Variants in DGKB observed in about 807,000 individuals in gnomAD.
DGKB encodes the protein 90 kDa diacylglycerol kinase.
In DGKB, 67 loss-of-function variants were observed where a neutral mutation model predicts 114.3. The observed-to-expected ratio is 0.59, with a 90% CI of 0.48 to 0.72. DGKB has a LOEUF of 0.72. DGKB is among the 30% of genes least tolerant of loss of function. The pLI, the probability that DGKB is intolerant of heterozygous loss-of-function variation, is 0.00. For synonymous variants in DGKB, 398 were observed against 323.1 expected, an observed-to-expected ratio of 1.23 and a Z score of -2.49; for missense variants, 907 against 975.2, an observed-to-expected ratio of 0.93 and a Z score of 0.93.
intron 13 of DGKB, among the ~76,000 whole-genome samples, chr7:14,640,593 A>T (rs187210399): frequency 3.5e-4 from 53 of 152,272 alleles, no homozygotes; most frequent in African/African-American, 1.2e-3. Context: ...AAGCTCGAGA[A>T]CTATCCTTAT....
chr7:14,769,133 GAGAA>G (rs1285648080), intron 2 of DGKB, among the ~76,000 whole-genome samples: 48 of 122,544 alleles, frequency 3.9e-4, no homozygotes, highest in Admixed American at 9.9e-4. Flanking sequence ...AAGAGAGAGA[GAGAA>G]AGAAAGAAAG....
At chr7:14,281,902 G>T (rs1800019176) in intron 23 of DGKB, among the ~76,000 whole-genome samples, 1 of 137,646 alleles carries the variant, frequency 7.3e-6, no homozygotes, top group Non-Finnish European at 1.5e-5. Flanking sequence ...GCCCACAAGA[G>T]AAAGCAGGAA....
intron 2 of DGKB, among the ~76,000 whole-genome samples, chr7:14,832,694 A>G (rs932136054): frequency 2.6e-5 from 4 of 151,952 alleles, no homozygotes; most frequent in Non-Finnish European, 5.9e-5. Flanking sequence ...ACAATTTCTC[A>G]GTTGTTTTCA....
At chr7:14,447,459 T>C (rs1830881114) in intron 21 of DGKB, among the ~76,000 whole-genome samples, 1 of 152,112 alleles carries the variant, frequency 6.6e-6, no homozygotes, top group African/African-American at 2.4e-5. Flanking sequence ...TTGATATGGG[T>C]CTGAAAATTC....
chr7:14,213,121 T>C (rs908711040), intron 23 of DGKB, among the ~76,000 whole-genome samples: 3 of 152,082 alleles, frequency 2.0e-5, no homozygotes, highest in Non-Finnish European at 2.9e-5. Context: ...AAAAAAATGG[T>C]AACACATTCT....
At chr7:14,230,607 A>G (rs571854060) in intron 23 of DGKB, among the ~76,000 whole-genome samples, 14 of 152,078 alleles carry the variant, frequency 9.2e-5, no homozygotes, top group Non-Finnish European at 1.9e-4. Context: ...AATTATTGTA[A>G]CATTGCCACA....
At chr7:14,341,184 T>C (rs1403503944) in intron 22 of DGKB, among the ~76,000 whole-genome samples, 7 of 151,832 alleles carry the variant, frequency 4.6e-5, no homozygotes, top group East Asian at 1.9e-4. Context: ...ATGAAGAACA[T>C]TGATGTTCCT....
chr7:14,972,102 G>A (rs2115309898), intron 1 of DGKB, among the ~76,000 whole-genome samples: 1 of 152,102 alleles, frequency 6.6e-6, no homozygotes, highest in East Asian at 1.9e-4. Flanking sequence ...AATAATGGCA[G>A]GCCAGTTTAC....
chr7:14,903,757 G>A (rs1783482539), upstream of DGKB, among the ~76,000 whole-genome samples: 1 of 152,166 alleles, frequency 6.6e-6, no homozygotes, highest in African/African-American at 2.4e-5. Context: ...TGAGGCACGT[G>A]TGTAAAATAG....
At chr7:14,693,082 T>A (rs529294250) in intron 9 of DGKB, among the ~76,000 whole-genome samples, 2 of 152,276 alleles carry the variant, frequency 1.3e-5, no homozygotes, top group African/African-American at 4.8e-5. Context: ...TATGATATAG[T>A]CTTGAATCTG....
chr7:14,471,186 T>C lies in DGKB; in HGVS notation c.1835+6975A>G, dbSNP rs200184745. Among the ~76,000 whole-genome samples the C allele has an allele frequency of 4.5e-4, 46 of 101,896 alleles. 3 individuals are homozygous for C. The highest frequency in any genetic ancestry group is 3.4e-3 in the East Asian group (10 of 2,922). The allele number at this position is 101,896 out of a possible 152,430, so 66.8% of individuals were successfully genotyped here. ...CATATATATGGAATATATGTATATA[T>C]ACATATATGTATGGAATATATGTAT... On this transcript the variant is annotated intron_variant, in intron 21 of 25. Coordinates refer to ENST00000402815, the MANE Select transcript of DGKB (RefSeq NM_001350709.2).
At chr7:14,807,008 TA>T (rs1441160906) in intron 2 of DGKB, among the ~76,000 whole-genome samples, 1 of 151,710 alleles carries the variant, frequency 6.6e-6, no homozygotes, top group African/African-American at 2.4e-5. Context: ...ACTGCTGGAG[TA>T]ATCCTGTTGT....
chr7:14,259,474 T>C (rs961649534), intron 23 of DGKB, among the ~76,000 whole-genome samples: 4 of 151,914 alleles, frequency 2.6e-5, no homozygotes, highest in African/African-American at 9.7e-5. Context: ...TCACGCAGGC[T>C]GGAGTGCGGT....
chr7:14,416,005 A>G (rs1330247084), intron 21 of DGKB, among the ~76,000 whole-genome samples: 3 of 151,984 alleles, frequency 2.0e-5, no homozygotes, highest in African/African-American at 7.3e-5. Context: ...TTTGATTTGC[A>G]TTTCTCTGAT....
At chr7:14,370,828 G>T (rs1227293516) in intron 21 of DGKB, among the ~76,000 whole-genome samples, 1 of 152,036 alleles carries the variant, frequency 6.6e-6, no homozygotes, top group African/African-American at 2.4e-5. Flanking sequence ...TTCTCTCCAT[G>T]TTCTAGTAGT....
At chr7:14,918,038 T>A (rs765867374) in intron 1 of DGKB, among the ~76,000 whole-genome samples, 16 of 152,020 alleles carry the variant, frequency 1.1e-4, no homozygotes, top group Non-Finnish European at 1.6e-4. Flanking sequence ...GAAAAAGCAT[T>A]TGCCAAAATT....
intron 20 of DGKB, among the ~76,000 whole-genome samples, chr7:14,542,644 G>A (rs1375821647): frequency 6.6e-6 from 1 of 152,146 alleles, no homozygotes; most frequent in Non-Finnish European, 1.5e-5. Context: ...CAAACGTTAA[G>A]TATAATATTT....
chr7:14,839,034 T>C (rs1847546791), intron 2 of DGKB, among the ~76,000 whole-genome samples: 1 of 152,148 alleles, frequency 6.6e-6, no homozygotes, highest in African/African-American at 2.4e-5. Flanking sequence ...CGTTCCTATC[T>C]CCAATGGAAT....
intron 20 of DGKB, among the ~76,000 whole-genome samples, chr7:14,520,255 G>A (rs1400283388): frequency 5.7e-5 from 6 of 106,120 alleles, no homozygotes; most frequent in Admixed American, 3.3e-4. Flanking sequence ...GGATTTTGTC[G>A]GTTTTCTTAT....
Sources: gnomAD v4.1 joint callset for allele counts (sites outside exome capture counted in the v4.1 genomes callset) on GRCh38, gnomAD v4.1.1 for gene constraint, MANE v1.5 for transcripts, NCBI Gene and HGNC (gene_info 2026-07-23, HGNC 2026-07-21) for gene names.